The following SLC2A12 variants were observed in gnomAD, a reference collection of about 807,000 sequenced individuals.
SLC2A12 encodes the protein solute carrier family 2, facilitated glucose transporter member 12.
Under a neutral mutation model 41.8 loss-of-function variants are expected in SLC2A12, and 23 were observed. The ratio of observed to expected loss-of-function variants is 0.55; its 90% confidence interval spans 0.40 to 0.78. SLC2A12 has a LOEUF of 0.78. Among genes scored for constraint, SLC2A12 ranks in the 30% least tolerant of loss-of-function variants. The probability of loss-of-function intolerance (pLI) is 0.00; values close to 1 mark genes in which losing one functional copy is unlikely to be tolerated. For synonymous variants in SLC2A12, 295 were observed against 285.9 expected (o/e 1.03, Z -0.32); for missense variants, 654 against 745.6 (o/e 0.88, Z 1.43).
intron 1 of SLC2A12, 102 bp from the exon 2 acceptor site, chr6:134,029,823 C>T (rs1777177332): frequency 7.1e-7 from 1 of 1,408,038 alleles, no homozygotes; most frequent in Non-Finnish European, 9.4e-7. Flanking sequence ...TTTCATAGCA[C>T]TGGGTTTAAA....
chr6:133,995,040 G>A (rs1776670123), intron 4 of SLC2A12, among the ~76,000 whole-genome samples: 1 of 152,198 alleles, frequency 6.6e-6, no homozygotes, highest in African/African-American at 2.4e-5. Context: ...TTCAGGAGCG[G>A]AGTGGCCATA....
intron 2 of SLC2A12, among the ~76,000 whole-genome samples, chr6:134,027,505 G>A (rs1211357223): frequency 6.6e-6 from 1 of 152,080 alleles, no homozygotes; most frequent in Non-Finnish European, 1.5e-5. Context: ...AGGAATAAAA[G>A]AGAAAGAGAG....
Position 133,987,646 on chromosome 6 carries a change from G to GTATATATATATA in SLC2A12, c.*3508_*3509insTATATATATATA, listed in dbSNP as rs1165164380. On this transcript the variant is annotated 3_prime_UTR_variant, in exon 5 of 5. Coordinates refer to ENST00000275230, the MANE Select transcript of SLC2A12 (RefSeq NM_145176.3). ...ATTTTGTGTGTGTGTGTGTGTGTGT[G>GTATATATATATA]TGTATATATATATATATATATGCAC... 7 of 133,212 alleles carry GTATATATATATA rather than the reference G, an allele frequency of 5.3e-5. No individual in the cohort carries two copies. The highest frequency in any genetic ancestry group is 1.9e-4 in the African/African-American group (7 of 36,114). 8.3% of individuals were successfully genotyped at this position (133,212 alleles called of 1,614,324 possible).
intron 4 of SLC2A12, among the ~76,000 whole-genome samples, chr6:133,991,666 T>G (rs1035014497): frequency 6.6e-6 from 1 of 152,244 alleles, no homozygotes; most frequent in Non-Finnish European, 1.5e-5. Context: ...CTCTTCTATC[T>G]TCTACGTTAT....
At chr6:134,035,151 C>CAAAAAAA (rs71003662) in intron 1 of SLC2A12, among the ~76,000 whole-genome samples, 20 of 107,892 alleles carry the variant, frequency 1.9e-4, no homozygotes, top group East Asian at 3.8e-4. Context: ...GGCTGCCTGA[C>CAAAAAAA]AAAAAAAAAA....
chr6:134,003,080 C>T (rs1324949242), intron 3 of SLC2A12, among the ~76,000 whole-genome samples: 1 of 152,174 alleles, frequency 6.6e-6, no homozygotes, highest in Admixed American at 6.5e-5. Context: ...CAGCCACAAA[C>T]CACAGTTGGT....
At chr6:133,995,437 CT>C (rs1253998806) in intron 4 of SLC2A12, among the ~76,000 whole-genome samples, 4 of 152,122 alleles carry the variant, frequency 2.6e-5, no homozygotes, top group African/African-American at 4.8e-5. Context: ...AAGTTTCCCC[CT>C]GATTATGTCC....
At chr6:134,043,483 G>A (rs931711284) in intron 1 of SLC2A12, among the ~76,000 whole-genome samples, 10 of 152,174 alleles carry the variant, frequency 6.6e-5, no homozygotes, top group East Asian at 1.9e-4. Context: ...CACCACTACC[G>A]TCACTTTTAG....
intron 1 of SLC2A12, among the ~76,000 whole-genome samples, chr6:134,037,067 T>A (rs991960891): frequency 2.0e-5 from 3 of 151,770 alleles, no homozygotes; most frequent in Non-Finnish European, 2.9e-5. Context: ...CTTTCCCAGG[T>A]CTGTGCTGAG....
In SLC2A12 at chr6:134,020,993, T is replaced by C. The variant is rs763038320; in HGVS notation, c.1444+7388A>G. 7.2e-5 allele frequency among the ~76,000 whole-genome samples: 11 copies of C among 152,344 alleles called. No homozygotes were observed. In the East Asian group the frequency reaches 1.2e-3, roughly 16 times the overall value. ...TGTGTCCAAAATTCTCGAATAACTATGTATGCCTTAACAAAGAAATGCCTA... is the reference window on the plus strand; with the variant it reads ...TGTGTCCAAAATTCTCGAATAACTACGTATGCCTTAACAAAGAAATGCCTA... On this transcript the variant is annotated intron_variant, in intron 2 of 4. Coordinates refer to ENST00000275230, the MANE Select transcript of SLC2A12 (RefSeq NM_145176.3).
intron 1 of SLC2A12, among the ~76,000 whole-genome samples, chr6:134,045,333 C>G (rs1777443328): frequency 6.6e-6 from 1 of 152,144 alleles, no homozygotes; most frequent in South Asian, 2.1e-4. Context: ...GTCAAGAGAG[C>G]AAACCTGGAC....
At chr6:134,003,850 G>C (rs1776780616) in intron 3 of SLC2A12, among the ~76,000 whole-genome samples, 1 of 152,194 alleles carries the variant, frequency 6.6e-6, no homozygotes, top group Admixed American at 6.5e-5. Context: ...GGAACAGTCT[G>C]CTTTTATTGA....
chr6:134,036,875 C>T (rs1777307746), intron 1 of SLC2A12, among the ~76,000 whole-genome samples: 1 of 152,154 alleles, frequency 6.6e-6, no homozygotes, highest in Admixed American at 6.5e-5. Context: ...GTTTTATTGT[C>T]ACAACTATAT....
At chr6:134,046,142 T>C (rs965480842) in intron 1 of SLC2A12, among the ~76,000 whole-genome samples, 2 of 152,188 alleles carry the variant, frequency 1.3e-5, no homozygotes, top group African/African-American at 4.8e-5. Flanking sequence ...TTAGTATTAC[T>C]CATAACTCCC....
In SLC2A12 at chr6:134,006,183, AAAAAAAAAAC is replaced by A. The variant is rs1239738780; in HGVS notation, c.1567+619_1567+628del. Among the ~76,000 whole-genome samples the A allele has an allele frequency of 1.4e-4, 20 of 142,978 alleles. No homozygotes were observed. The East Asian group carries it at 3.4e-3, about 24-fold the overall frequency. 93.8% of individuals were successfully genotyped at this position (142,978 alleles called of 152,430 possible). On this transcript the variant is annotated intron_variant, in intron 3 of 4. Transcript: ENST00000275230. ...AACAGAGAGAGACTATCGGAAAAAA[AAAAAAAAAAC>A]AAAAAAAAAAACAGAGAAACAGAGA...
rs556098804 is a variant in SLC2A12 at position 134,012,696 on chromosome 6, A to G, written c.1445-5762T>C. 3.3e-3 allele frequency among the ~76,000 whole-genome samples: 505 copies of G among 152,330 alleles called. 2 individuals carry two copies. Among genetic ancestry groups the G allele is most frequent in the African/African-American group, 0.012 (480 of 41,578 alleles). On this transcript the variant is annotated intron_variant, in intron 2 of 4. Transcript: ENST00000275230. ...AAAAAATTTAGGAACAGGCCAGCGC[A>G]GTGGCCCACTCCTACAATTCCATTG...
chr6:134,034,329 A>G (rs981417014), intron 1 of SLC2A12, among the ~76,000 whole-genome samples: 9 of 152,134 alleles, frequency 5.9e-5, no homozygotes, highest in African/African-American at 2.2e-4. Flanking sequence ...TCCCTATTAT[A>G]TGCTTTAAGG....
intron 2 of SLC2A12, among the ~76,000 whole-genome samples, chr6:134,018,973 G>A (rs1777004759): frequency 6.6e-6 from 1 of 152,100 alleles, no homozygotes; most frequent in African/African-American, 2.4e-5. Flanking sequence ...CCTCAGAGTT[G>A]GTAGAAGAGA....
At chr6:134,000,845 T>A (rs1776746155) in intron 4 of SLC2A12, among the ~76,000 whole-genome samples, 3 of 152,254 alleles carry the variant, frequency 2.0e-5, no homozygotes, top group Non-Finnish European at 4.4e-5. Flanking sequence ...GAAACTTATC[T>A]TTCTTAAAAT....
Sources: allele counts gnomAD v4.1 joint callset (sites outside exome capture counted in the v4.1 genomes callset), GRCh38; gene constraint gnomAD v4.1.1; transcripts MANE v1.5; gene names NCBI Gene and HGNC (gene_info 2026-07-23, HGNC 2026-07-21).